The following GRID2 variants were observed in gnomAD, a reference collection of about 807,000 sequenced individuals.
GRID2 encodes the protein glutamate ionotropic receptor delta type subunit 2, also known as glutamate receptor ionotropic, delta-2.
A neutral mutation model predicts 114.8 loss-of-function variants in GRID2; 33 were observed. The ratio of observed to expected loss-of-function variants is 0.29; its 90% CI spans 0.22 to 0.38. The LOEUF (loss-of-function observed/expected upper bound fraction) is 0.38, where lower values mean the gene tolerates loss of function less well. Ranked by LOEUF, GRID2 falls within the 10% of genes least tolerant of loss-of-function variation. The probability of loss-of-function intolerance (pLI) is 1.00; values close to 1 mark genes in which losing one functional copy is unlikely to be tolerated. For synonymous variants in GRID2, 505 were observed against 449.9 expected, an observed-to-expected ratio of 1.12 and a Z score of -1.55; for missense variants, 1,184 against 1,257.7, an observed-to-expected ratio of 0.94 and a Z score of 0.89.
intron 1 of GRID2, among the ~76,000 whole-genome samples, chr4:92,471,612 A>G (rs1465940727): frequency 6.6e-6 from 1 of 152,152 alleles, no homozygotes; most frequent in Non-Finnish European, 1.5e-5. Flanking sequence ...TGCATTTTAA[A>G]ATATTTATTG....
intron 14 of GRID2, among the ~76,000 whole-genome samples, chr4:93,750,306 T>C (rs114799954): frequency 5.8e-4 from 88 of 152,256 alleles, no homozygotes; most frequent in African/African-American, 2.0e-3. Context: ...AGTATCAGAA[T>C]CCCCTTGGGA....
intron 8 of GRID2, among the ~76,000 whole-genome samples, chr4:93,322,250 A>C (rs575207834): frequency 6.6e-6 from 1 of 151,814 alleles, no homozygotes; most frequent in Non-Finnish European, 1.5e-5. Flanking sequence ...CCTGTGTCCA[A>C]CTGTTCTCAT....
intron 14 of GRID2, among the ~76,000 whole-genome samples, chr4:93,688,891 A>T (rs895239772): frequency 1.1e-4 from 16 of 152,060 alleles, no homozygotes; most frequent in Non-Finnish European, 2.4e-4. Flanking sequence ...AGTTCTCATT[A>T]CTTGTTACAG....
chr4:93,357,886 A>G (rs975312431), intron 8 of GRID2, among the ~76,000 whole-genome samples: 1 of 151,698 alleles, frequency 6.6e-6, no homozygotes, highest in African/African-American at 2.4e-5. Context: ...ATTTTGTTTT[A>G]TTGACCTATT....
intron 4 of GRID2, among the ~76,000 whole-genome samples, chr4:93,117,193 A>G (rs1733352186): frequency 6.6e-6 from 1 of 152,144 alleles, no homozygotes; most frequent in African/African-American, 2.4e-5. Flanking sequence ...GAAGATGGAT[A>G]TGGTTATTTT....
chr4:92,584,180 T>C (rs767645015), intron 1 of GRID2, among the ~76,000 whole-genome samples: 1 of 151,922 alleles, frequency 6.6e-6, no homozygotes, highest in Non-Finnish European at 1.5e-5. Flanking sequence ...AATGAGACAA[T>C]GAAATAAAGG....
At chr4:93,394,711 G>A (rs1765167531) in intron 8 of GRID2, among the ~76,000 whole-genome samples, 1 of 152,002 alleles carries the variant, frequency 6.6e-6, no homozygotes, top group Non-Finnish European at 1.5e-5. Flanking sequence ...TCCCAAATGT[G>A]AAGGCTCATG....
chr4:93,524,785 GTATATATA>G lies in GRID2; in HGVS notation c.2193+9396_2193+9403del, dbSNP rs772724087. The stretch of plus-strand genomic sequence containing the variant: ...CAAGAAAAAATATATGTATGTATGT[GTATATATA>G]TATATATATATATATATATATGTAT... On this transcript the variant is annotated intron_variant, in intron 13 of 15. Coordinates refer to ENST00000282020, the MANE Select transcript of GRID2 (RefSeq NM_001510.4). Among the ~76,000 whole-genome samples, 57 of 87,394 alleles carry G rather than the reference GTATATATA, an allele frequency of 6.5e-4. 2 individuals are homozygous for G. Among genetic ancestry groups the G allele is most frequent in the East Asian group, 1.1e-3 (3 of 2,804 alleles). The allele number at this position is 87,394 out of a possible 152,430, so 57.3% of individuals were successfully genotyped here. A position where few individuals can be genotyped will look rare whatever the true frequency, so the allele number is the denominator to read the frequency against.
chr4:92,470,347 A>T (rs541197012), intron 1 of GRID2, among the ~76,000 whole-genome samples: 1 of 144,614 alleles, frequency 6.9e-6, no homozygotes, highest in Non-Finnish European at 1.5e-5. Flanking sequence ...AGACACAAAC[A>T]TGTTTTTTTT....
intron 2 of GRID2, among the ~76,000 whole-genome samples, chr4:92,653,250 C>T (rs1037482738): frequency 1.3e-5 from 2 of 150,268 alleles, no homozygotes; most frequent in Non-Finnish European, 3.0e-5. Context: ...CAGCCCCGCT[C>T]GGCCTCCCAA....
intron 2 of GRID2, among the ~76,000 whole-genome samples, chr4:93,061,342 T>A (rs1019825141): frequency 6.6e-6 from 1 of 151,764 alleles, no homozygotes; most frequent in Non-Finnish European, 1.5e-5. Context: ...ATGTCTCTTA[T>A]TTGGGGACCA....
intron 2 of GRID2, among the ~76,000 whole-genome samples, chr4:92,925,537 G>A (rs142506364): frequency 6.6e-6 from 1 of 151,916 alleles, no homozygotes; most frequent in Non-Finnish European, 1.5e-5. Context: ...AACAATATAT[G>A]ATCTTCTTTA....
intron 1 of GRID2, among the ~76,000 whole-genome samples, chr4:92,401,615 A>G (rs1208456468): frequency 1.1e-4 from 17 of 152,224 alleles, no homozygotes; most frequent in Admixed American, 1.1e-3. Context: ...TCTACAATAT[A>G]CTGTAGTATA....
intron 8 of GRID2, among the ~76,000 whole-genome samples, chr4:93,267,088 T>TGCTGCAA (rs1750921192): frequency 1.3e-5 from 2 of 152,302 alleles, no homozygotes; most frequent in African/African-American, 4.8e-5. Context: ...GCTTCCAGTT[T>TGCTGCAA]CATCCATGTT....
intron 11 of GRID2, among the ~76,000 whole-genome samples, chr4:93,480,525 C>T (rs969856482): frequency 6.6e-6 from 1 of 151,922 alleles, no homozygotes; most frequent in Non-Finnish European, 1.5e-5. Context: ...AATAGAGGCA[C>T]CTATTTTATT....
rs181162229 is a variant in GRID2, at chr4:93,335,105, A to G, written c.1246-60502A>G. On this transcript the variant is annotated intron_variant, in intron 8 of 15. Transcript: ENST00000282020. ...ACTCACATTTGCAAACAATATGTAT[A>G]TAGTTGATGTCATTCACTAGATTTA... 4.4e-5 allele frequency among the ~76,000 whole-genome samples: 6 copies of G among 134,846 alleles called. No homozygotes were observed. The East Asian group carries it at 1.2e-3, about 26-fold the overall frequency. The allele number at this position is 134,846 out of a possible 152,430, so 88.5% of individuals were successfully genotyped here.
At chr4:93,396,952 T>C (rs536210742) in intron 9 of GRID2, among the ~76,000 whole-genome samples, 1 of 152,124 alleles carries the variant, frequency 6.6e-6, no homozygotes. Context: ...CAGAAAAGTC[T>C]ACTTGTTTTT....
chr4:92,538,262 G>A (rs1184882964), intron 1 of GRID2, among the ~76,000 whole-genome samples: 1 of 152,098 alleles, frequency 6.6e-6, no homozygotes, highest in African/African-American at 2.4e-5. Context: ...CCTAACAATT[G>A]TTCTCATTCT....
At chr4:93,153,594 A>T (rs899195915) in intron 4 of GRID2, among the ~76,000 whole-genome samples, 4 of 152,060 alleles carry the variant, frequency 2.6e-5, no homozygotes, top group Admixed American at 6.6e-5. Flanking sequence ...TCATATGCTC[A>T]TTCCAGGCCG....
Sources: gnomAD v4.1 joint callset for allele counts (sites outside exome capture counted in the v4.1 genomes callset) on GRCh38, gnomAD v4.1.1 for gene constraint, MANE v1.5 for transcripts, NCBI Gene and HGNC (gene_info 2026-07-23, HGNC 2026-07-21) for gene names.